Variants in DOCK8 observed in about 807,000 individuals in gnomAD.
DOCK8 encodes dedicator of cytokinesis protein 8.
In DOCK8, 141 loss-of-function variants were observed where a neutral mutation model predicts 245.6. The ratio of observed to expected loss-of-function variants is 0.57; its 90% CI spans 0.50 to 0.66. The LOEUF is 0.66. Among genes scored for constraint, DOCK8 ranks in the 30% least tolerant of loss-of-function variants. DOCK8 has a pLI of 0.00. For synonymous variants in DOCK8, 1,168 were observed against 970.2 expected, an observed-to-expected ratio of 1.20 and a Z score of -3.79; for missense variants, 2,965 against 2,603.4, an observed-to-expected ratio of 1.14 and a Z score of -3.02.
At chr9:323,905 A>G (rs2050636654) in intron 7 of DOCK8, among the ~76,000 whole-genome samples, 1 of 152,208 alleles carries the variant, frequency 6.6e-6, no homozygotes, top group Non-Finnish European at 1.5e-5. Flanking sequence ...GGCCTCATAT[A>G]TGTATCTGTT....
At position 450,744 on chromosome 9, in the gene DOCK8, C is replaced by T. The variant is rs144656651; in HGVS notation, c.5961+817C>T. ...AGATCAGGAAAAAAAAATGAGGAAA[C>T]GTTTGCCTTTGTAAGTGCCAATCCT... On this transcript the variant is annotated intron_variant, in intron 45 of 47. Coordinates refer to ENST00000432829, the MANE Select transcript of DOCK8 (RefSeq NM_203447.4). Among the ~76,000 whole-genome samples the T allele has an allele frequency of 9.2e-5, 14 of 151,836 alleles. No individual in the cohort carries two copies. The South Asian group carries it at 2.7e-3, about 29-fold the overall frequency.
chr9:328,941 C>CTTTTTTTTTTTTTTTTTTTTTT (rs1165346763), intron 9 of DOCK8, among the ~76,000 whole-genome samples: 1 of 71,348 alleles, frequency 1.4e-5, no homozygotes, highest in African/African-American at 5.7e-5. Flanking sequence ...CTTATTGATT[C>CTTTTTTTTTTTTTTTTTTTTTT]TTTTTTTTTT....
intron 14 of DOCK8, among the ~76,000 whole-genome samples, chr9:342,481 T>G (rs2051656524): frequency 6.6e-6 from 1 of 151,838 alleles, no homozygotes; most frequent in Non-Finnish European, 1.5e-5. Flanking sequence ...TTTTTTTGTT[T>G]TTTTTTGAGA....
intron 20 of DOCK8, 141 bp downstream of exon 20, chr9:377,352 C>A: frequency 1.4e-6 from 1 of 713,726 alleles, no homozygotes; most frequent in African/African-American, 2.4e-5. Context: ...GAGGCCAAGT[C>A]TTATGCTATT....
intron 4 of DOCK8, among the ~76,000 whole-genome samples, chr9:303,016 C>T (rs887910513): frequency 6.6e-6 from 1 of 151,534 alleles, no homozygotes; most frequent in Non-Finnish European, 1.5e-5. Context: ...AGAAAATTAA[C>T]TGGGTATGGT....
chr9:402,580 C>G (rs996605021), intron 26 of DOCK8, among the ~76,000 whole-genome samples: 6 of 152,238 alleles, frequency 3.9e-5, no homozygotes, highest in African/African-American at 1.4e-4. Context: ...TCTCTAGATA[C>G]AGGATGAACT....
intron 14 of DOCK8, among the ~76,000 whole-genome samples, chr9:364,243 G>A (rs901167101): frequency 3.9e-5 from 6 of 152,134 alleles, no homozygotes; most frequent in Admixed American, 3.3e-4. Context: ...TTAAAATCAT[G>A]TTTATTAAGA....
intron 4 of DOCK8, among the ~76,000 whole-genome samples, chr9:293,256 A>T (rs1382002278): frequency 6.6e-6 from 1 of 152,196 alleles, no homozygotes; most frequent in Non-Finnish European, 1.5e-5. Context: ...TCTGCCCATG[A>T]AAACTAAAAT....
intron 22 of DOCK8, 31 bp downstream of exon 22, chr9:382,716 C>T (rs760066626): frequency 1.9e-6 from 3 of 1,612,166 alleles, no homozygotes; most frequent in Admixed American, 3.4e-5. Context: ...TGGAAGGGGA[C>T]ACAGGCTTTT....
rs2047813571 is a variant in DOCK8, at chr9:257,711, G to T, written c.54-13916G>T. On this transcript the variant is annotated intron_variant, in intron 1 of 47. Coordinates refer to ENST00000432829, the MANE Select transcript of DOCK8 (RefSeq NM_203447.4). Reference sequence around the variant, plus strand: ...TTTTTGTATTTTTCGTAGAGACGGGGTTTCACCATGTTGGCCAGGATGGTC... The same window carrying T: ...TTTTTGTATTTTTCGTAGAGACGGGTTTTCACCATGTTGGCCAGGATGGTC... 2.0e-5 allele frequency among the ~76,000 whole-genome samples: 3 copies of T among 152,174 alleles called. No homozygotes were observed. In the South Asian group the frequency reaches 6.2e-4, roughly 31 times the overall value.
intron 7 of DOCK8, among the ~76,000 whole-genome samples, chr9:318,492 C>T (rs1352466973): frequency 2.0e-5 from 3 of 152,150 alleles, no homozygotes; most frequent in Non-Finnish European, 2.9e-5. Context: ...ATGATTCTAA[C>T]GCATAGCCTC....
At chr9:396,473 T>C (rs1384907027) in intron 24 of DOCK8, among the ~76,000 whole-genome samples, 2 of 152,188 alleles carry the variant, frequency 1.3e-5, no homozygotes, top group African/African-American at 4.8e-5. Flanking sequence ...CCAGCTCAGG[T>C]CTGCCTTCCA....
intron 1 of DOCK8, among the ~76,000 whole-genome samples, chr9:237,205 A>G (rs943202574): frequency 6.6e-6 from 1 of 152,284 alleles, no homozygotes; most frequent in African/African-American, 2.4e-5. Context: ...TTTTAGTCAC[A>G]AGGATTTGGA....
intron 7 of DOCK8, 73 bp from the exon 8 acceptor site, chr9:325,598 A>G (rs1051141841): frequency 1.9e-5 from 23 of 1,225,838 alleles, no homozygotes; most frequent in Non-Finnish European, 2.5e-5. Context: ...CAGTTTATCT[A>G]TCTAGGTGTT....
rs1178345586 is a variant in DOCK8 at position 420,529 on chromosome 9, G to A, written c.3969G>A (p.Gln1323=). Residue 1323 remains glutamine, a synonymous_variant, in exon 31 of 48, where the codon CAG becomes CAA. Transcript: ENST00000432829. The part of the protein sequence containing the change: ...RKWIADLPST[Q]LNRILDLLFI... Reference sequence around the variant, plus strand: ...GGATTGCTGACCTGCCATCAACGCAGCTCAACAGGATTTTAGATCTACTTT... The same window carrying A: ...GGATTGCTGACCTGCCATCAACGCAACTCAACAGGATTTTAGATCTACTTT... The A allele has an allele frequency of 1.2e-6, 2 of 1,614,054 alleles. No individual in the cohort carries two copies. The highest frequency in any genetic ancestry group is 1.3e-5 in the African/African-American group (1 of 74,916).
rs147007952 is a variant in DOCK8, at chr9:405,060, C to T, written c.3377C>T (p.Ser1126Phe). Residue 1126 changes from serine to phenylalanine, a missense_variant, in exon 27 of 48, where the codon TCC becomes TTC. Physicochemically the swap from Ser to Phe is radical, Grantham distance 155. Transcript: ENST00000432829. ...ADTAPTSPCP[S>F]ISSQNSSSCS... Reference sequence around the variant, plus strand: ...ACTGCTCCAACATCTCCTTGTCCTTCCATATCTTCCCAGGTAATAAAAGAA... The same window carrying T: ...ACTGCTCCAACATCTCCTTGTCCTTTCATATCTTCCCAGGTAATAAAAGAA... 1.2e-6 allele frequency: 2 copies of T among 1,613,516 alleles called. No homozygotes were observed. The highest frequency in any genetic ancestry group is 1.1e-5 in the South Asian group (1 of 91,068).
chr9:367,242 A>T (rs2131175304), intron 14 of DOCK8, among the ~76,000 whole-genome samples: 1 of 152,314 alleles, frequency 6.6e-6, no homozygotes, highest in Middle Eastern at 3.4e-3. Context: ...ATACTTCATC[A>T]ATTATGTGTA....
intron 46 of DOCK8, 113 bp downstream of exon 46, chr9:452,230 C>A: frequency 4.2e-6 from 3 of 717,686 alleles, no homozygotes; most frequent in Non-Finnish European, 7.3e-6. Context: ...AAGTCTCAGG[C>A]ACCCTCCAGA....
intron 4 of DOCK8, among the ~76,000 whole-genome samples, chr9:294,813 T>C (rs1304691329): frequency 6.6e-6 from 1 of 152,146 alleles, no homozygotes; most frequent in Non-Finnish European, 1.5e-5. Flanking sequence ...GAACAAACAA[T>C]TGATATATAC....
Sources: allele counts gnomAD v4.1 joint callset (sites outside exome capture counted in the v4.1 genomes callset), GRCh38; gene constraint gnomAD v4.1.1; transcripts MANE v1.5; gene names NCBI Gene and HGNC (gene_info 2026-07-23, HGNC 2026-07-21).